Variants in KLKB1 observed in about 807,000 individuals in gnomAD.
KLKB1 encodes kallikrein B1.
In KLKB1, 58 loss-of-function variants were observed where a neutral mutation model predicts 73.6. The ratio of observed to expected loss-of-function variants is 0.79; its 90% CI spans 0.64 to 0.98. KLKB1 has a LOEUF of 0.98. Among genes scored for constraint, KLKB1 ranks in the 50% least tolerant of loss-of-function variants. The probability of loss-of-function intolerance (pLI) is 0.00; values close to 1 mark genes in which losing one functional copy is unlikely to be tolerated. For missense variants in KLKB1, 737 were observed against 763.8 expected, an observed-to-expected ratio of 0.96 and a Z score of 0.41; for synonymous variants, 280 against 258.1, an observed-to-expected ratio of 1.08 and a Z score of -0.81.
At position 186,216,736 on chromosome 4, in the gene KLKB1, G is replaced by T. The variant is rs76116367; in HGVS notation, c.201+7464G>T. Among the ~76,000 whole-genome samples the T allele has an allele frequency of 9.5e-3, 1,454 of 152,276 alleles. 23 individuals carry two copies. The highest frequency in any genetic ancestry group is 0.033 in the African/African-American group (1,371 of 41,548). ...GCTCTTGTCCAGAGATGACTCTCAG[G>T]TCCTTCCCCGTGACCCATCTCAAAG... On this transcript the variant is annotated intron_variant, in intron 2 of 14. Transcript: ENST00000511608.
intron 7 of KLKB1, 82 bp downstream of exon 7, chr4:186,250,484 T>C (rs1738613899): frequency 6.7e-7 from 1 of 1,492,286 alleles, no homozygotes; most frequent in Non-Finnish European, 9.3e-7. Flanking sequence ...ACTTTTATAG[T>C]CTGAGTTCTT....
chr4:186,229,891 C>T (rs144017132), intron 2 of KLKB1, among the ~76,000 whole-genome samples: 12 of 152,162 alleles, frequency 7.9e-5, no homozygotes, highest in African/African-American at 2.7e-4. Context: ...TCAGAGCCAA[C>T]GTCTTGCAAT....
At chr4:186,230,759 A>G (rs935789592) in intron 2 of KLKB1, among the ~76,000 whole-genome samples, 15 of 152,216 alleles carry the variant, frequency 9.9e-5, no homozygotes, top group African/African-American at 3.1e-4. Context: ...CTGCCATTGT[A>G]TGCATCCTTG....
At chr4:186,222,452 T>C (rs1015071742), upstream of KLKB1, among the ~76,000 whole-genome samples, 10 of 152,344 alleles carry the variant, frequency 6.6e-5, no homozygotes, top group East Asian at 9.6e-4. Flanking sequence ...TTTGTGGTTA[T>C]CATGAGGTTT....
intron 4 of KLKB1, among the ~76,000 whole-genome samples, chr4:186,234,810 A>C (rs1220241599): frequency 6.6e-6 from 1 of 152,232 alleles, no homozygotes; most frequent in Non-Finnish European, 1.5e-5. Flanking sequence ...AAGACAAATG[A>C]ACTATTTCTC....
At position 186,251,124 on chromosome 4, in the gene KLKB1, G is replaced by T. The variant is rs114884183; in HGVS notation, c.759-95G>T. ...GTTTCCCAGAAGAATAAAATTTGCT[G>T]CGTTGCTTTTTGGGTGTGAGCTGCT... On this transcript the variant is annotated intron_variant, in intron 7 of 14. Transcript: ENST00000264690. 239 of 758,142 alleles carry T rather than the reference G, an allele frequency of 3.2e-4. 1 individual carries two copies. The African/African-American group carries it at 3.6e-3, about 11-fold the overall frequency. 47.0% of individuals were successfully genotyped at this position (758,142 alleles called of 1,614,324 possible). A position where few individuals can be genotyped will look rare whatever the true frequency, so the allele number is the denominator to read the frequency against.
At chr4:186,219,913 A>G (rs535966915) in intron 2 of KLKB1, among the ~76,000 whole-genome samples, 2 of 152,038 alleles carry the variant, frequency 1.3e-5, no homozygotes, top group African/African-American at 4.8e-5. Flanking sequence ...GGAGTAATAG[A>G]CTAACTTCAT....
chr4:186,224,950 T>C (rs1737120872), upstream of KLKB1, among the ~76,000 whole-genome samples: 1 of 152,196 alleles, frequency 6.6e-6, no homozygotes, highest in Non-Finnish European at 1.5e-5. Flanking sequence ...TCCCCTGTGC[T>C]GTGATCTCAT....
chr4:186,254,095 A>C (rs903830557), intron 11 of KLKB1, among the ~76,000 whole-genome samples: 1 of 152,206 alleles, frequency 6.6e-6, no homozygotes, highest in Non-Finnish European at 1.5e-5. Context: ...GGCCTCCCGA[A>C]GTGCTGGGAT....
chr4:186,214,484 C>A (rs72647313), intron 2 of KLKB1, among the ~76,000 whole-genome samples: 1 of 152,184 alleles, frequency 6.6e-6, no homozygotes, highest in African/African-American at 2.4e-5. Context: ...CAATAATTCT[C>A]TGTATTGGAT....
In KLKB1 at chr4:186,258,272, G is replaced by C. The variant is rs1330931733; in HGVS notation, c.*60G>C. 6 of 1,416,886 alleles carry C rather than the reference G, an allele frequency of 4.2e-6. No individual in the cohort carries two copies. In the East Asian group the frequency reaches 1.4e-4, roughly 34 times the overall value. 87.8% of individuals were successfully genotyped at this position (1,416,886 alleles called of 1,614,324 possible). ...TGAGTTCAAGTCAAATTCTGAGCCT[G>C]GGGGGTCCTCATCTGCAAAGCATGG... On this transcript the variant is annotated 3_prime_UTR_variant, in exon 15 of 15. Coordinates refer to ENST00000264690, the MANE Select transcript of KLKB1 (RefSeq NM_000892.5).
At chr4:186,212,559 A>T (rs572130681) in intron 2 of KLKB1, 2 of 152,164 alleles carry the variant, frequency 1.3e-5, no homozygotes, top group Non-Finnish European at 2.9e-5. Flanking sequence ...TTTATATATC[A>T]TATGTTATTG....
At chr4:186,243,896 TG>T (rs1244296314) in intron 6 of KLKB1, among the ~76,000 whole-genome samples, 2 of 152,086 alleles carry the variant, frequency 1.3e-5, no homozygotes, top group Non-Finnish European at 2.9e-5. Context: ...CTGGTGGAAC[TG>T]CCATCAATAA....
At chr4:186,250,020 T>C (rs779096231) in intron 6 of KLKB1, among the ~76,000 whole-genome samples, 14 of 152,314 alleles carry the variant, frequency 9.2e-5, no homozygotes, top group Non-Finnish European at 2.1e-4. Context: ...AGCACAGCTT[T>C]TATTTCTCTG....
At chr4:186,246,910 G>A (rs1368748476) in intron 6 of KLKB1, among the ~76,000 whole-genome samples, 4 of 152,160 alleles carry the variant, frequency 2.6e-5, no homozygotes, top group Non-Finnish European at 5.9e-5. Context: ...CAGAGTTTTG[G>A]GTTCATGGAT....
At position 186,251,852 on chromosome 4, in the gene KLKB1, G is replaced by C. The variant is rs1738695929; in HGVS notation, c.1135G>C (p.Asp379His). The change falls in exon 10 of 15, where the codon GAC becomes CAC. Residue 379 changes from aspartate (D) to histidine (H), a missense_variant. Coordinates refer to ENST00000264690, the MANE Select transcript of KLKB1 (RefSeq NM_000892.5). ...GYSLRLCNTG[D>H]NSVCTTKTST... ...CTCTTTGAGATTGTGTAACACTGGG[G>C]ACAACTCTGGTGAGTAACCTCACTT... 1.2e-6 allele frequency: 2 copies of C among 1,612,158 alleles called. No individual in the cohort carries two copies. Among genetic ancestry groups the C allele is most frequent in the African/African-American group, 1.3e-5 (1 of 74,906 alleles).
intron 3 of KLKB1, among the ~76,000 whole-genome samples, chr4:186,233,494 A>T (rs957144790): frequency 6.6e-6 from 1 of 152,214 alleles, no homozygotes; most frequent in Non-Finnish European, 1.5e-5. Context: ...ATTCTTATAA[A>T]TAATGAAATT....
At chr4:186,257,178 G>T in intron 13 of KLKB1, 48 bp from the exon 14 acceptor site, 3 of 1,011,174 alleles carry the variant, frequency 3.0e-6, no homozygotes, top group African/African-American at 1.6e-5. Context: ...TATTATTTAA[G>T]TTATTATTAT....
chr4:186,213,378 A>C (rs910731210), intron 2 of KLKB1: 2 of 152,248 alleles, frequency 1.3e-5, no homozygotes, highest in Non-Finnish European at 2.9e-5. Flanking sequence ...ATTGATATCA[A>C]TTCAAAACAT....
Sources: gnomAD v4.1 joint callset for allele counts (sites outside exome capture counted in the v4.1 genomes callset) on GRCh38, gnomAD v4.1.1 for gene constraint, MANE v1.5 for transcripts, NCBI Gene and HGNC (gene_info 2026-07-23, HGNC 2026-07-21) for gene names.